Variants in NINJ2 observed in about 807,000 individuals in gnomAD.
NINJ2 encodes the protein ninjurin-2.
A neutral mutation model predicts 11.7 loss-of-function variants in NINJ2; 12 were observed. The ratio of observed to expected loss-of-function variants is 1.02; its 90% CI spans 0.66 to 1.66. The LOEUF is 1.66. Ranked by LOEUF, NINJ2 falls within the 40% of genes most tolerant of loss-of-function variation. The pLI is 0.00. For missense variants in NINJ2, 187 were observed against 181.8 expected (o/e 1.03, Z -0.16); for synonymous variants, 93 against 76.8 (o/e 1.21, Z -1.10).
intron 1 of NINJ2, among the ~76,000 whole-genome samples, chr12:658,292 A>C (rs1341525426): frequency 1.3e-5 from 2 of 152,188 alleles, no homozygotes; most frequent in Non-Finnish European, 2.9e-5. Flanking sequence ...GGTGTGAGCC[A>C]CTGCGCCCAG....
intron 1 of NINJ2, among the ~76,000 whole-genome samples, chr12:617,382 C>T (rs184877989): frequency 1.3e-5 from 2 of 152,198 alleles, no homozygotes; most frequent in African/African-American, 2.4e-5. Context: ...GCCCTGGCCG[C>T]GTGCTGAGAA....
chr12:594,553 G>A (rs573364601), intron 1 of NINJ2, among the ~76,000 whole-genome samples: 9 of 152,218 alleles, frequency 5.9e-5, no homozygotes, highest in Non-Finnish European at 1.0e-4. Flanking sequence ...TTTGGGAGGC[G>A]AAGGTGGGTG....
At chr12:658,319 A>G (rs1937901411) in intron 1 of NINJ2, among the ~76,000 whole-genome samples, 1 of 152,156 alleles carries the variant, frequency 6.6e-6, no homozygotes, top group Non-Finnish European at 1.5e-5. Context: ...GGCTTTATAC[A>G]GAATGATACG....
At chr12:642,485 G>C (rs1053947981) in intron 1 of NINJ2, among the ~76,000 whole-genome samples, 5 of 152,168 alleles carry the variant, frequency 3.3e-5, no homozygotes, top group African/African-American at 1.2e-4. Context: ...GCCTCGGCCT[G>C]CCAAAGTGCT....
intron 1 of NINJ2, among the ~76,000 whole-genome samples, chr12:655,482 T>C (rs1295990232): frequency 6.6e-6 from 1 of 152,172 alleles, no homozygotes; most frequent in Non-Finnish European, 1.5e-5. Flanking sequence ...ACTGAACAAG[T>C]AGAATCTGAA....
At position 633,968 on chromosome 12, in the gene NINJ2, T is replaced by G. The variant is rs1948313546; in HGVS notation, c.33+29360A>C. The stretch of plus-strand genomic sequence containing the variant: ...ACCGTCTGATCTGGTCAGAAAGGCC[T>G]TTGCACTGTCCCAGATAGCTTACTC... On this transcript the variant is annotated intron_variant, in intron 1 of 3. Coordinates refer to ENST00000305108, the MANE Select transcript of NINJ2 (RefSeq NM_016533.6). This position sits in a 1 kb window ranked among gnomAD's most constrained non-coding sequence, Gnocchi z 4.3. Among the ~76,000 whole-genome samples, 1 of 152,168 alleles carries G rather than the reference T, an allele frequency of 6.6e-6. No homozygotes were observed. The highest frequency in any genetic ancestry group is 2.1e-4 in the South Asian group (1 of 4,824).
intron 1 of NINJ2, 78 bp downstream of exon 1, chr12:663,250 T>C (rs1937983161): frequency 7.5e-7 from 1 of 1,329,970 alleles, no homozygotes. Flanking sequence ...ATCAAGTGAC[T>C]AAAGTATCAA....
rs796283080 is a variant in NINJ2, at chr12:633,498, C to CA, written c.33+29829dup. 0.016 allele frequency among the ~76,000 whole-genome samples: 2,193 copies of CA among 141,102 alleles called. 54 individuals carry two copies. The highest frequency in any genetic ancestry group is 0.051 in the African/African-American group (1,983 of 38,648). The allele number at this position is 141,102 out of a possible 152,430, so 92.6% of individuals were successfully genotyped here. A position where few individuals can be genotyped will look rare whatever the true frequency, so the allele number is the denominator to read the frequency against. ...CTGGGCAACAGAAAGAGACTGTCTC[C>CA]AAAAAAAAAAAATCATGTCATTTAA... On this transcript the variant is annotated intron_variant, in intron 1 of 3. Coordinates refer to ENST00000305108, the MANE Select transcript of NINJ2 (RefSeq NM_016533.6). This position sits in a 1 kb window ranked among gnomAD's most constrained non-coding sequence, Gnocchi z 4.3.
intron 1 of NINJ2, among the ~76,000 whole-genome samples, chr12:642,317 G>A (rs1173606861): frequency 6.6e-6 from 1 of 152,160 alleles, no homozygotes; most frequent in Non-Finnish European, 1.5e-5. Context: ...TGCACCCTCC[G>A]CCTCCCGAGT....
chr12:583,774 G>A (rs758794), intron 1 of NINJ2, among the ~76,000 whole-genome samples: 41,100 of 152,084 alleles, frequency 0.27, 5,909 homozygotes, highest in South Asian at 0.37. Context: ...TTGAGGACGC[G>A]GACACTTAGA....
intron 1 of NINJ2, among the ~76,000 whole-genome samples, chr12:617,794 G>A (rs1948111142): frequency 6.6e-6 from 1 of 152,090 alleles, no homozygotes; most frequent in South Asian, 2.1e-4. Flanking sequence ...AGCGAGGTCA[G>A]GGCCCTGCCT....
chr12:594,667 GGAAGAAAC>G (rs1947759407), intron 1 of NINJ2, among the ~76,000 whole-genome samples: 5 of 151,964 alleles, frequency 3.3e-5, no homozygotes, highest in African/African-American at 9.7e-5. Context: ...AGGAAGAAAA[GGAAGAAAC>G]AAAACAACTG....
intron 1 of NINJ2, among the ~76,000 whole-genome samples, chr12:636,889 A>G (rs971049771): frequency 2.6e-5 from 4 of 152,234 alleles, no homozygotes; most frequent in Non-Finnish European, 5.9e-5. Flanking sequence ...TTTCATTCCT[A>G]GGTGTGTACC....
At chr12:609,753 A>C (rs1186262590) in intron 1 of NINJ2, among the ~76,000 whole-genome samples, 3 of 134,926 alleles carry the variant, frequency 2.2e-5, no homozygotes, top group African/African-American at 8.5e-5. Flanking sequence ...CCTGGGCAAC[A>C]GAGTGAGACT....
At chr12:566,676 G>A (rs1228487153) in intron 1 of NINJ2, among the ~76,000 whole-genome samples, 1 of 152,218 alleles carries the variant, frequency 6.6e-6, no homozygotes, top group Non-Finnish European at 1.5e-5. Context: ...GCTGATCATC[G>A]GCTGGATTTC....
chr12:618,695 G>A (rs35981192), intron 1 of NINJ2, among the ~76,000 whole-genome samples: 2 of 152,074 alleles, frequency 1.3e-5, no homozygotes, highest in Non-Finnish European at 2.9e-5. Flanking sequence ...ATCAGGAGCC[G>A]AATTGCCTCT....
chr12:596,443 T>C (rs931247529), intron 1 of NINJ2, among the ~76,000 whole-genome samples: 14 of 152,098 alleles, frequency 9.2e-5, no homozygotes, highest in Non-Finnish European at 1.6e-4. Context: ...ATGTTGATAA[T>C]GGGGGCGGCT....
At chr12:615,339 A>C (rs1431563800) in intron 1 of NINJ2, among the ~76,000 whole-genome samples, 2 of 152,192 alleles carry the variant, frequency 1.3e-5, no homozygotes, top group African/African-American at 4.8e-5. Flanking sequence ...CTGTAATCCC[A>C]GCACTTTGGG....
intron 1 of NINJ2, among the ~76,000 whole-genome samples, chr12:595,504 G>A (rs1374284776): frequency 6.6e-6 from 1 of 152,212 alleles, no homozygotes; most frequent in Non-Finnish European, 1.5e-5. Flanking sequence ...GCCAGGCGTG[G>A]TGGCTCACGA....
Sources: allele counts gnomAD v4.1 joint callset (sites outside exome capture counted in the v4.1 genomes callset), GRCh38; gene constraint gnomAD v4.1.1; non-coding constraint Gnocchi (gnomAD v3.1); transcripts MANE v1.5; gene names NCBI Gene and HGNC (gene_info 2026-07-23, HGNC 2026-07-21).